Variants in MCTP1 observed in about 807,000 individuals in gnomAD.
MCTP1 encodes the protein multiple C2 and transmembrane domain containing 1, also known as multiple C2 and transmembrane domain-containing protein 1.
A neutral mutation model predicts 120.6 loss-of-function variants in MCTP1; 69 were observed. The ratio of observed to expected loss-of-function variants is 0.57; its 90% CI spans 0.47 to 0.70. The LOEUF (loss-of-function observed/expected upper bound fraction) is 0.70. Ranked by LOEUF, MCTP1 falls within the 30% of genes least tolerant of loss-of-function variation. The pLI, the probability that MCTP1 is intolerant of heterozygous loss-of-function variation, is 0.00. For synonymous variants in MCTP1, 529 were observed against 493.1 expected (o/e 1.07, Z -0.96); for missense variants, 1,203 against 1,248.8 (o/e 0.96, Z 0.55).
chr5:95,265,042 G>A lies in MCTP1; in HGVS notation c.720+18814C>T, dbSNP rs142971649. On this transcript the variant is annotated intron_variant, in intron 1 of 22. Transcript: ENST00000515393. ...TCTTGCAATGAAAGGCTCATGAACA[G>A]CCCGTCCCTGGTGCCTGGGCTCTAC... Among the ~76,000 whole-genome samples, 14 of 152,230 alleles carry A rather than the reference G, an allele frequency of 9.2e-5. No homozygotes were observed. The East Asian group carries it at 2.7e-3, about 29-fold the overall frequency.
chr5:95,052,887 A>G (rs996138421), intron 1 of MCTP1, among the ~76,000 whole-genome samples: 2 of 152,222 alleles, frequency 1.3e-5, no homozygotes, highest in African/African-American at 2.4e-5. Flanking sequence ...TACTAGAAGA[A>G]AATCCTGGAG....
chr5:94,851,244 T>C (rs1316452862), intron 17 of MCTP1, among the ~76,000 whole-genome samples: 1 of 152,092 alleles, frequency 6.6e-6, no homozygotes, highest in Non-Finnish European at 1.5e-5. Context: ...TATAAAGAAA[T>C]TCCAACTCTA....
chr5:94,908,164 ACTCTGAAAATAGTGTT>A (rs1807429244), intron 10 of MCTP1, among the ~76,000 whole-genome samples: 2 of 151,958 alleles, frequency 1.3e-5, no homozygotes, highest in African/African-American at 4.8e-5. Context: ...CTTTAGGAAA[ACTCTGAAAATAGTGTT>A]TTAATTAAGG....
At chr5:94,853,686 A>C (rs1453946678) in intron 17 of MCTP1, among the ~76,000 whole-genome samples, 1 of 151,882 alleles carries the variant, frequency 6.6e-6, no homozygotes, top group East Asian at 1.9e-4. Flanking sequence ...GAAATTTCCT[A>C]CCTGGTGTTA....
chr5:95,066,732 T>C (rs1415816408), intron 1 of MCTP1, among the ~76,000 whole-genome samples: 2 of 152,146 alleles, frequency 1.3e-5, no homozygotes, highest in Admixed American at 6.5e-5. Flanking sequence ...TTAAGTAAAA[T>C]AAGTCAGACA....
At chr5:95,162,853 C>A (rs189393429) in intron 1 of MCTP1, among the ~76,000 whole-genome samples, 51 of 152,222 alleles carry the variant, frequency 3.4e-4, no homozygotes, top group African/African-American at 1.0e-3. Context: ...CAGCTCTTGG[C>A]ACTATTTCCT....
At chr5:95,095,005 G>GTTTTT (rs1562138448) in intron 1 of MCTP1, among the ~76,000 whole-genome samples, 2 of 79,540 alleles carry the variant, frequency 2.5e-5, no homozygotes, top group African/African-American at 1.0e-4. Flanking sequence ...TGTTATGTTA[G>GTTTTT]ATTTTTTTTT....
rs1554151244 is a variant in MCTP1, at chr5:94,954,147, C to CATATATATATATGCATATATATACAA, written c.839-787_839-786insTTGTATATATATGCATATATATATAT. On this transcript the variant is annotated intron_variant, in intron 2 of 22. Transcript: ENST00000515393. ...ACAAATATATATATGCATATATATA[C>CATATATATATATGCATATATATACAA]ATATATATATGCATATATATACATA... Among the ~76,000 whole-genome samples, 5 of 32,524 alleles carry CATATATATATATGCATATATATACAA rather than the reference C, an allele frequency of 1.5e-4. 1 individual carries two copies. The highest frequency in any genetic ancestry group is 4.6e-4 in the African/African-American group (3 of 6,512). 21.3% of individuals were successfully genotyped at this position (32,524 alleles called of 152,430 possible).
chr5:94,747,459 A>G (rs1382609065), intron 19 of MCTP1, among the ~76,000 whole-genome samples: 1 of 152,126 alleles, frequency 6.6e-6, no homozygotes, highest in Non-Finnish European at 1.5e-5. Flanking sequence ...TAAATAGTAA[A>G]TATTTTAGGT....
At chr5:95,031,478 C>T (rs920191472) in intron 1 of MCTP1, among the ~76,000 whole-genome samples, 4 of 152,164 alleles carry the variant, frequency 2.6e-5, no homozygotes, top group Non-Finnish European at 4.4e-5. Context: ...TGGAGGCATG[C>T]TTTTAGCTTT....
intron 19 of MCTP1, among the ~76,000 whole-genome samples, chr5:94,771,003 TAAC>T (rs1405622280): frequency 6.6e-6 from 1 of 152,156 alleles, no homozygotes. Flanking sequence ...ATATCAAAGA[TAAC>T]AAGCCCATTG....
intron 17 of MCTP1, chr5:94,867,612 A>C: frequency 2.5e-6 from 1 of 395,104 alleles, no homozygotes; most frequent in East Asian, 3.8e-5. Context: ...TTAAACTTCA[A>C]ACTGAAATCC....
intron 18 of MCTP1, among the ~76,000 whole-genome samples, chr5:94,790,062 T>C (rs891992063): frequency 3.3e-5 from 5 of 152,318 alleles, no homozygotes; most frequent in East Asian, 1.9e-4. Flanking sequence ...TATGATAATA[T>C]ACTGAGAGTG....
intron 1 of MCTP1, among the ~76,000 whole-genome samples, chr5:95,169,420 T>G (rs1039533046): frequency 6.6e-6 from 1 of 152,190 alleles, no homozygotes; most frequent in Non-Finnish European, 1.5e-5. Context: ...TAAAATGAGT[T>G]AGGGAGGATT....
At chr5:94,962,510 G>A (rs190337) in intron 2 of MCTP1, among the ~76,000 whole-genome samples, 125,291 of 150,542 alleles carry the variant, frequency 0.83, 52,691 homozygotes, top group African/African-American at 0.94. Flanking sequence ...TTGTGTGTAT[G>A]TATATACATG....
chr5:95,229,354 T>C (rs936908788), intron 1 of MCTP1, among the ~76,000 whole-genome samples: 2 of 152,232 alleles, frequency 1.3e-5, no homozygotes, highest in African/African-American at 4.8e-5. Context: ...CCAACTCGAT[T>C]AGTTTTCTAC....
intron 19 of MCTP1, among the ~76,000 whole-genome samples, chr5:94,759,956 C>T (rs1770927598): frequency 7.3e-6 from 1 of 136,190 alleles, no homozygotes; most frequent in Non-Finnish European, 1.6e-5. Context: ...ACTTAGCAAC[C>T]ATTTTACTGT....
intron 1 of MCTP1, among the ~76,000 whole-genome samples, chr5:95,174,745 A>G (rs1226573975): frequency 6.6e-6 from 1 of 152,212 alleles, no homozygotes; most frequent in Non-Finnish European, 1.5e-5. Context: ...TCCTGAGAAC[A>G]GAGCCTGGCA....
At chr5:95,180,583 G>T (rs191268817) in intron 1 of MCTP1, among the ~76,000 whole-genome samples, 1 of 151,552 alleles carries the variant, frequency 6.6e-6, no homozygotes, top group Admixed American at 6.6e-5. Context: ...TCTATCTCAC[G>T]TCTACAGTTC....
Sources: gnomAD v4.1 joint callset for allele counts (sites outside exome capture counted in the v4.1 genomes callset) on GRCh38, gnomAD v4.1.1 for gene constraint, MANE v1.5 for transcripts, NCBI Gene and HGNC (gene_info 2026-07-23, HGNC 2026-07-21) for gene names.